Variants in DYSF observed in about 807,000 individuals in gnomAD.
The protein encoded by DYSF is dysferlin.
DYSF carries 212 observed loss-of-function variants against 274.9 expected under a neutral mutation model. The ratio of observed to expected loss-of-function variants is 0.77; its 90% CI spans 0.69 to 0.86. The LOEUF (loss-of-function observed/expected upper bound fraction) is 0.86. Ranked by LOEUF, DYSF falls within the 40% of genes least tolerant of loss-of-function variation. DYSF has a pLI of 0.00. For missense variants in DYSF, 2,666 were observed against 2,783.2 expected (o/e 0.96, Z 0.95); for synonymous variants, 1,091 against 1,078.7 (o/e 1.01, Z -0.22).
At chr2:71,485,560 T>G (rs893209630) in intron 3 of DYSF, among the ~76,000 whole-genome samples, 3 of 152,158 alleles carry the variant, frequency 2.0e-5, no homozygotes, top group Non-Finnish European at 4.4e-5. Context: ...CTCAGCTGTT[T>G]TCAGGCAGGT....
At chr2:71,568,458 A>G (rs2092240295) in intron 26 of DYSF, 120 bp downstream of exon 26, 2 of 1,345,142 alleles carry the variant, frequency 1.5e-6, no homozygotes, top group Non-Finnish European at 2.0e-6. Flanking sequence ...TGCGCTGGTC[A>G]TAGGAACTTC....
intron 17 of DYSF, among the ~76,000 whole-genome samples, chr2:71,549,125 C>T (rs2152783355): frequency 6.6e-6 from 1 of 152,288 alleles, no homozygotes; most frequent in South Asian, 2.1e-4. Context: ...ACCCCCAGGG[C>T]TCATGGGGTG....
chr2:71,472,796 C>T (rs1042977272), intron 1 of DYSF, among the ~76,000 whole-genome samples: 1 of 152,118 alleles, frequency 6.6e-6, no homozygotes, highest in Admixed American at 6.5e-5. Context: ...TTTCATTTGC[C>T]CATGGTGGAG....
intron 1 of DYSF, among the ~76,000 whole-genome samples, chr2:71,456,746 G>GC (rs2081081651): frequency 6.6e-6 from 1 of 152,086 alleles, no homozygotes; most frequent in South Asian, 2.1e-4. Flanking sequence ...AAGGAGCCTG[G>GC]CCAAGGTCAC....
rs533384943 is a variant in DYSF at position 71,581,801 on chromosome 2, G to A, written c.3402+7430G>A. Among the ~76,000 whole-genome samples, 8 of 152,272 alleles carry A rather than the reference G, an allele frequency of 5.3e-5. No homozygotes were observed. In the South Asian group the frequency reaches 1.0e-3, roughly 20 times the overall value. On this transcript the variant is annotated intron_variant, in intron 30 of 55. Coordinates refer to ENST00000410020, the MANE Select transcript of DYSF (RefSeq NM_001130987.2). ...AATAACCTCTTCTTATGGAGCAGGGGTCAGCAAACTATGCCCCACAGGCCA... is the reference window on the plus strand; with the variant it reads ...AATAACCTCTTCTTATGGAGCAGGGATCAGCAAACTATGCCCCACAGGCCA...
chr2:71,513,454 G>A (rs913441660), intron 6 of DYSF, 122 bp downstream of exon 6: 36 of 1,067,410 alleles, frequency 3.4e-5, no homozygotes, highest in Admixed American at 6.6e-5. Context: ...AGGACTTGGC[G>A]GGTGGGAGGG....
chr2:71,677,130 G>A (rs1171114856), intron 52 of DYSF, among the ~76,000 whole-genome samples: 1 of 152,176 alleles, frequency 6.6e-6, no homozygotes, highest in African/African-American at 2.4e-5. Context: ...TTAATGGATA[G>A]ATATAGTGCT....
chr2:71,629,555 A>G (rs965446401), intron 41 of DYSF, among the ~76,000 whole-genome samples: 44 of 152,312 alleles, frequency 2.9e-4, no homozygotes, highest in African/African-American at 1.0e-3. Flanking sequence ...TCTTTTAGAG[A>G]GGATATGTGT....
Position 71,589,674 on chromosome 2 carries a change from T to C in DYSF, c.3484T>C (p.Cys1162Arg), listed in dbSNP as rs1353308560. The C allele has an allele frequency of 6.2e-7, 1 of 1,614,080 alleles. No homozygotes were observed. Among genetic ancestry groups the C allele is most frequent in the African/African-American group, 1.3e-5 (1 of 75,028 alleles). ...CGGTGTGAACAGACCCACGATTTCC[T>C]GCATATTCGACTGTAAGTGAGGCTT... ...SFGVNRPTIS[C>R]IFDYGNRYHL... The change falls in exon 31 of 56, where the codon TGC becomes CGC. Residue 1162 changes from cysteine to arginine, a missense_variant. Physicochemically the swap from Cys to Arg is radical, Grantham distance 180 (BLOSUM62 -3). This residue lies in a region of DYSF where 1,460 missense variants were observed against 1,502.1 expected (regional missense o/e 0.97). Coordinates refer to ENST00000410020, the MANE Select transcript of DYSF (RefSeq NM_001130987.2).
chr2:71,617,400 C>G (rs2093908535), intron 40 of DYSF, among the ~76,000 whole-genome samples: 1 of 152,194 alleles, frequency 6.6e-6, no homozygotes, highest in South Asian at 2.1e-4. Flanking sequence ...GCTAAGCAAC[C>G]AGGGAAGCTT....
At chr2:71,645,566 G>A (rs1350686842) in intron 42 of DYSF, among the ~76,000 whole-genome samples, 1 of 150,454 alleles carries the variant, frequency 6.6e-6, no homozygotes, top group East Asian at 2.0e-4. Context: ...GGCACAGAAT[G>A]GGGGTGTGGC....
intron 7 of DYSF, among the ~76,000 whole-genome samples, chr2:71,514,329 A>G (rs1451928145): frequency 6.6e-6 from 1 of 152,126 alleles, no homozygotes; most frequent in African/African-American, 2.4e-5. Flanking sequence ...TGCAGAGTCT[A>G]CTCAGACCTG....
At chr2:71,594,185 G>A (rs577640807) in intron 32 of DYSF, among the ~76,000 whole-genome samples, 1 of 152,312 alleles carries the variant, frequency 6.6e-6, no homozygotes, top group East Asian at 1.9e-4. Context: ...TCAGTCCTGG[G>A]TGGTGCTGGG....
intron 1 of DYSF, among the ~76,000 whole-genome samples, chr2:71,472,898 A>G (rs1426531946): frequency 1.3e-5 from 2 of 152,126 alleles, no homozygotes; most frequent in African/African-American, 4.8e-5. Context: ...TATCTTCTCC[A>G]GTTCTGTTTG....
intron 51 of DYSF, 131 bp downstream of exon 51, chr2:71,669,877 C>A: frequency 8.1e-7 from 1 of 1,228,136 alleles, no homozygotes; most frequent in Non-Finnish European, 1.2e-6. Context: ...GCTACCACTG[C>A]CATCTCCACA....
chr2:71,472,163 A>G (rs2082080040), intron 1 of DYSF, among the ~76,000 whole-genome samples: 1 of 152,222 alleles, frequency 6.6e-6, no homozygotes, highest in Non-Finnish European at 1.5e-5. Flanking sequence ...TAAATTATAC[A>G]GTCACTGTGA....
chr2:71,563,112 A>T (rs2091879461), intron 23 of DYSF, among the ~76,000 whole-genome samples: 1 of 152,142 alleles, frequency 6.6e-6, no homozygotes, highest in African/African-American at 2.4e-5. Context: ...GAAAATATGC[A>T]TTTCTAACAA....
intron 38 of DYSF, among the ~76,000 whole-genome samples, chr2:71,612,132 G>A (rs745748766): frequency 3.3e-5 from 5 of 152,214 alleles, no homozygotes; most frequent in South Asian, 2.1e-4. Flanking sequence ...AGATGAAAGC[G>A]CTGTAGAAAT....
Position 71,551,083 on chromosome 2 carries a change from A to G in DYSF, c.1619A>G (p.Tyr540Cys), listed in dbSNP as rs576889313. ...LGFLPTFGPC[Y>C]INLYGSPREF... Reference sequence around the variant, plus strand: ...TTCCTCCCCACTTTTGGGCCCTGCTACATCAACCTCTATGGCAGTCCCAGA... The same window carrying G: ...TTCCTCCCCACTTTTGGGCCCTGCTGCATCAACCTCTATGGCAGTCCCAGA... Residue 540 changes from tyrosine to cysteine, a missense_variant, in exon 18 of 56, where the codon TAC becomes TGC. Physicochemically the swap from Tyr to Cys is radical, Grantham distance 194. This residue lies in a region of DYSF where 794 missense variants were observed against 777.1 expected (regional missense o/e 1.02). Transcript: ENST00000410020. 1.2e-6 allele frequency: 2 copies of G among 1,614,110 alleles called. No individual in the cohort carries two copies. The highest frequency in any genetic ancestry group is 1.3e-5 in the African/African-American group (1 of 75,038).
Sources: gnomAD v4.1 joint callset for allele counts (sites outside exome capture counted in the v4.1 genomes callset) on GRCh38, gnomAD v4.1.1 for gene constraint, gnomAD v4.1.1 regional missense constraint, MANE v1.5 for transcripts, NCBI Gene and HGNC (gene_info 2026-07-23, HGNC 2026-07-21) for gene names.